The following CNOT10 variants were observed in gnomAD, a reference collection of about 807,000 sequenced individuals.
CNOT10 encodes CCR4-NOT transcription complex subunit 10, also known as CCR4-NOT transcription complex, subunit 10.
CNOT10 carries 30 observed loss-of-function variants against 94.6 expected under a neutral mutation model. The observed-to-expected ratio is 0.32, with a 90% CI of 0.24 to 0.43. CNOT10 has a LOEUF of 0.43. Ranked by LOEUF, CNOT10 falls within the 20% of genes least tolerant of loss-of-function variation. CNOT10 has a pLI of 1.00. For missense variants in CNOT10, 759 were observed against 877.2 expected (o/e 0.87, Z 1.70); for synonymous variants, 289 against 301.6 (o/e 0.96, Z 0.43).
intron 3 of CNOT10, 45 bp from the exon 4 acceptor site, chr3:32,708,625 T>G: frequency 1.3e-6 from 2 of 1,544,374 alleles, no homozygotes; most frequent in Non-Finnish European, 1.7e-6. Context: ...TTTTGCTTTT[T>G]ATTTCCTTAA....
chr3:32,747,913 A>C (rs1575283077), intron 13 of CNOT10, among the ~76,000 whole-genome samples: 1 of 151,258 alleles, frequency 6.6e-6, no homozygotes, highest in South Asian at 2.1e-4. Context: ...GTGCCACTGC[A>C]CTCCAGCCCA....
chr3:32,726,891 A>G (rs1388712494), intron 9 of CNOT10, among the ~76,000 whole-genome samples: 6 of 136,720 alleles, frequency 4.4e-5, no homozygotes, highest in East Asian at 4.4e-4. Context: ...CTGTTGCCCA[A>G]GCTGGAGTGC....
At position 32,737,469 on chromosome 3, in the gene CNOT10, A is replaced by G. The variant is rs373537442; in HGVS notation, c.1574A>G (p.Lys525Arg). 6.2e-7 allele frequency: 1 copy of G among 1,609,614 alleles called. No individual in the cohort carries two copies. Among genetic ancestry groups the G allele is most frequent in the African/African-American group, 1.3e-5 (1 of 74,932 alleles). Residue 525 changes from lysine (K) to arginine (R), a missense_variant, in exon 13 of 19, where the codon AAA becomes AGA. This residue lies in a region of CNOT10 where 682 missense variants were observed against 799.4 expected (regional missense o/e 0.85). Transcript: ENST00000328834. ...GCTCCACCTTCTTCTCCATTGAGAA[A>G]ACAGGAATTAGAAAACTTAAAGTGA... is the stretch of plus-strand genomic sequence containing the variant. Reference protein sequence around the residue: ...IPAPPSSPLRKQELENLKCSI... With the variant: ...IPAPPSSPLRRQELENLKCSI...
At chr3:32,759,717 C>T (rs1700363663) in intron 14 of CNOT10, 146 bp downstream of exon 14, 1 of 661,686 alleles carries the variant, frequency 1.5e-6, no homozygotes, top group Non-Finnish European at 2.6e-6. Context: ...TTTTTTAACC[C>T]ATGCCTCGGC....
intron 1 of CNOT10, among the ~76,000 whole-genome samples, chr3:32,686,051 T>C (rs531362453): frequency 6.6e-6 from 1 of 152,186 alleles, no homozygotes; most frequent in Non-Finnish European, 1.5e-5. Flanking sequence ...GTAAACCACT[T>C]ATTTAAAAAG....
chr3:32,722,423 C>T (rs909703436), intron 8 of CNOT10, among the ~76,000 whole-genome samples: 10 of 152,208 alleles, frequency 6.6e-5, no homozygotes, highest in African/African-American at 2.2e-4. Context: ...TAACACACAA[C>T]ATGCAATGAT....
chr3:32,727,021 A>G lies in CNOT10; in HGVS notation c.1013-647A>G, dbSNP rs148314728. Among the ~76,000 whole-genome samples the G allele has an allele frequency of 5.1e-3, 780 of 151,714 alleles. 5 individuals are homozygous for G. Among genetic ancestry groups the G allele is most frequent in the African/African-American group, 0.018 (729 of 41,456 alleles). On this transcript the variant is annotated intron_variant, in intron 9 of 18. Transcript: ENST00000328834. Reference sequence around the variant, plus strand: ...GCCACCATGCCCGGCTAATTTTTGTATTTTTAGTAGAGATGGGGTTTCACT... The same window carrying G: ...GCCACCATGCCCGGCTAATTTTTGTGTTTTTAGTAGAGATGGGGTTTCACT...
intron 1 of CNOT10, among the ~76,000 whole-genome samples, chr3:32,688,865 T>G (rs1696732997): frequency 6.6e-6 from 1 of 151,938 alleles, no homozygotes; most frequent in South Asian, 2.1e-4. Flanking sequence ...CAGTGAGCTT[T>G]GATCACGCCA....
intron 13 of CNOT10, among the ~76,000 whole-genome samples, chr3:32,749,667 C>T (rs1045537675): frequency 1.3e-5 from 2 of 152,084 alleles, no homozygotes; most frequent in African/African-American, 4.8e-5. Flanking sequence ...GCCTCGGCCT[C>T]CCAAAGTGCT....
At chr3:32,711,894 T>C (rs1217446072) in intron 4 of CNOT10, among the ~76,000 whole-genome samples, 1 of 152,222 alleles carries the variant, frequency 6.6e-6, no homozygotes, top group Non-Finnish European at 1.5e-5. Context: ...CTTGGAGATA[T>C]ATGACCTTTG....
chr3:32,745,808 G>A (rs1699673747), intron 13 of CNOT10, among the ~76,000 whole-genome samples: 1 of 152,036 alleles, frequency 6.6e-6, no homozygotes, highest in Admixed American at 6.6e-5. Flanking sequence ...AGACGAGTGT[G>A]GGCAACATGG....
At position 32,702,916 on chromosome 3, in the gene CNOT10, G is replaced by GT. The variant is rs112213079; in HGVS notation, c.23-939dup. Among the ~76,000 whole-genome samples the GT allele has an allele frequency of 2.7e-3, 376 of 140,188 alleles. 2 individuals carry two copies. The highest frequency in any genetic ancestry group is 0.022 in the East Asian group (109 of 4,914). The allele number at this position is 140,188 out of a possible 152,430, so 92.0% of individuals were successfully genotyped here. ...CATTAATCAGTCATTGTTTTTTGTT[G>GT]TTTTTTTTTTTTTGAGACGGAGTCC... On this transcript the variant is annotated intron_variant, in intron 1 of 18. Coordinates refer to ENST00000328834, the MANE Select transcript of CNOT10 (RefSeq NM_015442.3).
rs140164346 is a variant in CNOT10 at position 32,748,114 on chromosome 3, C to T, written c.1595+10624C>T. Among the ~76,000 whole-genome samples the T allele has an allele frequency of 1.9e-3, 282 of 152,306 alleles. 1 individual carries two copies. Among genetic ancestry groups the T allele is most frequent in the African/African-American group, 6.6e-3 (273 of 41,570 alleles). On this transcript the variant is annotated intron_variant, in intron 13 of 18. Transcript: ENST00000328834. Reference sequence around the variant, plus strand: ...CTGAAGCAGTCTTCCCACCTTGGCCCCCCAAAGCATCGAAATTACAGGTGT... The same window carrying T: ...CTGAAGCAGTCTTCCCACCTTGGCCTCCCAAAGCATCGAAATTACAGGTGT...
At chr3:32,703,432 A>G (rs1697465663) in intron 1 of CNOT10, among the ~76,000 whole-genome samples, 1 of 152,168 alleles carries the variant, frequency 6.6e-6, no homozygotes, top group African/African-American at 2.4e-5. Flanking sequence ...ACTATGATAA[A>G]GTTTATAAAT....
intron 13 of CNOT10, among the ~76,000 whole-genome samples, chr3:32,742,144 C>G (rs1020269133): frequency 6.6e-6 from 1 of 151,410 alleles, no homozygotes; most frequent in East Asian, 2.0e-4. Context: ...TTAGTAGAGA[C>G]GGGGTTTCAC....
intron 18 of CNOT10, among the ~76,000 whole-genome samples, chr3:32,771,977 T>A (rs1253915170): frequency 6.6e-6 from 1 of 152,206 alleles, no homozygotes; most frequent in Non-Finnish European, 1.5e-5. Context: ...CCAAGATGTA[T>A]CTCACTAGAA....
chr3:32,725,447 C>A lies in CNOT10; in HGVS notation c.863-3C>A, dbSNP rs1698623846. 6.2e-7 allele frequency: 1 copy of A among 1,610,490 alleles called. No individual in the cohort carries two copies. Among genetic ancestry groups the A allele is most frequent in the African/African-American group, 1.3e-5 (1 of 74,762 alleles). On this transcript the variant is annotated splice_region_variant and splice_polypyrimidine_tract_variant and intron_variant, in intron 8 of 18. Transcript: ENST00000328834. The stretch of plus-strand genomic sequence containing the variant: ...TGGACAAATTTATTTGCATTTTTTT[C>A]AGGTGAATGCTTGAGATGCATGTTC...
intron 8 of CNOT10, among the ~76,000 whole-genome samples, chr3:32,722,305 C>G (rs1342186457): frequency 6.6e-6 from 1 of 152,008 alleles, no homozygotes; most frequent in Non-Finnish European, 1.5e-5. Context: ...GGCACTTTTT[C>G]CTTATAATTC....
chr3:32,743,379 C>G (rs953276693), intron 13 of CNOT10, among the ~76,000 whole-genome samples: 4 of 152,004 alleles, frequency 2.6e-5, no homozygotes, highest in African/African-American at 7.2e-5. Flanking sequence ...CCTGTAATCC[C>G]AGCACTTTGG....
Sources: allele counts gnomAD v4.1 joint callset (sites outside exome capture counted in the v4.1 genomes callset), GRCh38; gene constraint gnomAD v4.1.1; regional missense constraint gnomAD v4.1.1; transcripts MANE v1.5; gene names NCBI Gene and HGNC (gene_info 2026-07-23, HGNC 2026-07-21).